Variants in C19orf18 observed in about 807,000 individuals in gnomAD.
The protein encoded by C19orf18 is chromosome 19 open reading frame 18, also known as uncharacterized protein C19orf18.
Under a neutral mutation model 23.3 loss-of-function variants are expected in C19orf18, and 21 were observed. The ratio of observed to expected loss-of-function variants is 0.90; its 90% confidence interval spans 0.64 to 1.30. C19orf18 has a LOEUF of 1.30. C19orf18 is among the 50% of genes most tolerant of loss of function. The probability of loss-of-function intolerance (pLI) is 0.00; values close to 1 mark genes in which losing one functional copy is unlikely to be tolerated. For synonymous variants in C19orf18, 96 were observed against 95.2 expected, an observed-to-expected ratio of 1.01 and a Z score of -0.05; for missense variants, 249 against 259.6, an observed-to-expected ratio of 0.96 and a Z score of 0.28.
At chr19:57,964,391 C>G (rs929005369) in intron 4 of C19orf18, among the ~76,000 whole-genome samples, 4 of 152,204 alleles carry the variant, frequency 2.6e-5, no homozygotes, top group Admixed American at 6.5e-5. Context: ...AAGCCATCCT[C>G]CCACCTCAGC....
chr19:57,964,037 T>A (rs2072891711), intron 4 of C19orf18, among the ~76,000 whole-genome samples: 1 of 152,216 alleles, frequency 6.6e-6, no homozygotes, highest in Admixed American at 6.5e-5. Context: ...AAAAATTACA[T>A]AAAACTTGTA....
At chr19:57,961,852 C>A (rs1405422627) in intron 4 of C19orf18, among the ~76,000 whole-genome samples, 1 of 152,104 alleles carries the variant, frequency 6.6e-6, no homozygotes, top group Non-Finnish European at 1.5e-5. Flanking sequence ...TCAAACAAAT[C>A]ATCTTTCTTT....
intron 5 of C19orf18, 78 bp downstream of exon 5, chr19:57,961,313 T>C: frequency 7.2e-7 from 1 of 1,391,866 alleles, no homozygotes; most frequent in Non-Finnish European, 9.8e-7. Flanking sequence ...AAGCCACCGC[T>C]GAGAAAGAAA....
At chr19:57,970,213 TAAG>T (rs1483402146) in intron 3 of C19orf18, among the ~76,000 whole-genome samples, 90 of 152,250 alleles carry the variant, frequency 5.9e-4, no homozygotes, top group Non-Finnish European at 2.4e-4. Context: ...TTCCTGTAAA[TAAG>T]AAGATCAAGA....
intron 3 of C19orf18, among the ~76,000 whole-genome samples, chr19:57,969,578 A>AAAAAAAAAAAAAAAAAAAAAAAC (rs2072931162): frequency 7.9e-6 from 1 of 126,036 alleles, no homozygotes. Flanking sequence ...AAAAAAAAAA[A>AAAAAAAAAAAAAAAAAAAAAAAC]AAAAAAAAAA....
intron 4 of C19orf18, among the ~76,000 whole-genome samples, chr19:57,963,617 G>T (rs1441794859): frequency 6.6e-6 from 1 of 152,168 alleles, no homozygotes; most frequent in African/African-American, 2.4e-5. Flanking sequence ...GCCAAGCACA[G>T]TGGCTCACGC....
chr19:57,963,773 C>A (rs1189389368), intron 4 of C19orf18, among the ~76,000 whole-genome samples: 1 of 151,952 alleles, frequency 6.6e-6, no homozygotes, highest in Non-Finnish European at 1.5e-5. Flanking sequence ...GCCTGTAGTC[C>A]CAGCTACTTG....
intron 3 of C19orf18, among the ~76,000 whole-genome samples, chr19:57,969,944 T>C (rs2072934480): frequency 6.6e-6 from 1 of 151,608 alleles, no homozygotes; most frequent in Admixed American, 6.6e-5. Context: ...TCTCTAGAAG[T>C]TGTGCTCACT....
In C19orf18 at chr19:57,974,439, CAAATTATCAGTATTTT is replaced by C. The variant is rs775859793; in HGVS notation, c.-23_-8del. The C allele has an allele frequency of 3.7e-6, 6 of 1,613,486 alleles. No homozygotes were observed. In the South Asian group the frequency reaches 5.5e-5, roughly 15 times the overall value. ...CACTCTGAACCTTGTCCATCACTCT[CAAATTATCAGTATTTT>C]ATCCCGTAGATGAAAGGAAATACTT... On this transcript the variant is annotated 5_prime_UTR_variant, in exon 1 of 6. It adds an upstream start codon to the 5' untranslated region. Coordinates refer to ENST00000314391, the MANE Select transcript of C19orf18 (RefSeq NM_152474.5).
chr19:57,972,841 A>C (rs257675), intron 2 of C19orf18, among the ~76,000 whole-genome samples: 91,376 of 151,800 alleles, frequency 0.6, 28,951 homozygotes, highest in African/African-American at 0.81. Context: ...GGAGAGACTT[A>C]GAGTTGAAGG....
intron 2 of C19orf18, 129 bp downstream of exon 2, chr19:57,973,970 T>A: frequency 1.2e-6 from 1 of 866,954 alleles, no homozygotes; most frequent in Non-Finnish European, 1.8e-6. Context: ...TCCAAGCAAA[T>A]GTTTATCTAA....
intron 4 of C19orf18, among the ~76,000 whole-genome samples, chr19:57,961,981 T>C (rs143374161): frequency 0.014 from 2,090 of 150,682 alleles, 22 homozygotes; most frequent in Non-Finnish European, 0.023. Context: ...TCTCTCTCTC[T>C]CCCTTTCTCT....
At chr19:57,966,029 G>A (rs1468745840) in intron 4 of C19orf18, among the ~76,000 whole-genome samples, 1 of 150,438 alleles carries the variant, frequency 6.6e-6, no homozygotes, top group Non-Finnish European at 1.5e-5. Context: ...TCAGGCTGGA[G>A]TGCAGTGGCA....
Position 57,974,163 on chromosome 19 carries a change from C to T in C19orf18, c.162G>A (p.Glu54=). ...GGGTTTTATGAAAGAACACTTTGGGCTCTTTGGTGATGTTTCTGGGTGGTT... is the reference window on the plus strand; with the variant it reads ...GGGTTTTATGAAAGAACACTTTGGGTTCTTTGGTGATGTTTCTGGGTGGTT... The part of the protein sequence containing the change: ...RSQPPRNITK[E]PKVFFHKTQL... Residue 54 remains glutamate (E), a synonymous_variant, in exon 2 of 6, where the codon GAG becomes GAA. Coordinates refer to ENST00000314391, the MANE Select transcript of C19orf18 (RefSeq NM_152474.5). 1 of 1,614,086 alleles carries T rather than the reference C, an allele frequency of 6.2e-7. No individual in the cohort carries two copies.
chr19:57,974,334 A>C lies in C19orf18; in HGVS notation c.99T>G (p.Thr33=), dbSNP rs2072968255. ...CLPYADGLHP[T]GNITGLPGSK... is the part of the protein sequence containing the mutation. ...TACCTGGTAAGCCTGTTATGTTTCCAGTGGGATGGAGTCCATCTGCATACG... is the reference window on the plus strand; with the variant it reads ...TACCTGGTAAGCCTGTTATGTTTCCCGTGGGATGGAGTCCATCTGCATACG... Residue 33 remains threonine (T), a synonymous_variant, in exon 1 of 6, where the codon ACT becomes ACG. Coordinates refer to ENST00000314391, the MANE Select transcript of C19orf18 (RefSeq NM_152474.5). The C allele has an allele frequency of 1.9e-6, 3 of 1,614,004 alleles. No homozygotes were observed. Among genetic ancestry groups the C allele is most frequent in the Non-Finnish European group, 2.5e-6 (3 of 1,179,990 alleles).
In C19orf18 at chr19:57,974,092, G is replaced by GACTCACCCATGGATCC; in HGVS notation, c.226+6_226+7insGGATCCATGGGTGAGT. 1 of 1,611,730 alleles carries GACTCACCCATGGATCC rather than the reference G, an allele frequency of 6.2e-7. No homozygotes were observed. Among genetic ancestry groups the GACTCACCCATGGATCC allele is most frequent in the South Asian group, 1.1e-5 (1 of 90,998 alleles). On this transcript the variant is annotated splice_region_variant and intron_variant, in intron 2 of 5. Coordinates refer to ENST00000314391, the MANE Select transcript of C19orf18 (RefSeq NM_152474.5). ...CACTCCACTGAATGAGGAATTCAAT[G>GACTCACCCATGGATCC]ACTCACCCGTGGATCTCGAGGCAGC...
intron 3 of C19orf18, among the ~76,000 whole-genome samples, chr19:57,969,576 A>C (rs1460546558): frequency 1.6e-5 from 2 of 124,976 alleles, no homozygotes; most frequent in South Asian, 2.4e-4. Context: ...GAAAAAAAAA[A>C]AAAAAAAAAA....
intron 5 of C19orf18, 47 bp downstream of exon 5, chr19:57,961,344 G>A (rs539184290): frequency 5.9e-6 from 9 of 1,514,040 alleles, no homozygotes; most frequent in Middle Eastern, 1.9e-4. Context: ...GCAAGCTGCC[G>A]CTGCCAGCTT....
At chr19:57,963,221 G>A (rs921129861) in intron 4 of C19orf18, among the ~76,000 whole-genome samples, 1 of 151,762 alleles carries the variant, frequency 6.6e-6, no homozygotes, top group Non-Finnish European at 1.5e-5. Context: ...TACAGATGGG[G>A]TTTCTCCATG....
Sources: gnomAD v4.1 joint callset for allele counts (sites outside exome capture counted in the v4.1 genomes callset) on GRCh38, gnomAD v4.1.1 for gene constraint, MANE v1.5 for transcripts, NCBI Gene and HGNC (gene_info 2026-07-23, HGNC 2026-07-21) for gene names.